SH3D19: variants seen among roughly 807,000 people sequenced by gnomAD.
The protein encoded by SH3D19 is SH3 domain containing 19, also known as SH3 domain-containing protein 19.
A neutral mutation model predicts 112.1 loss-of-function variants in SH3D19; 58 were observed. That is an observed-to-expected ratio of 0.52 (90% confidence interval 0.42 to 0.64). The LOEUF is 0.64. SH3D19 is among the 30% of genes least tolerant of loss of function. The pLI, the probability that SH3D19 is intolerant of heterozygous loss-of-function variation, is 0.00. For synonymous variants in SH3D19, 391 were observed against 448.5 expected (o/e 0.87, Z 1.62); for missense variants, 1,090 against 1,263.4 (o/e 0.86, Z 2.08).
intron 17 of SH3D19, among the ~76,000 whole-genome samples, chr4:151,131,847 T>G (rs181637156): frequency 2.0e-5 from 3 of 150,960 alleles, no homozygotes; most frequent in Non-Finnish European, 4.4e-5. Context: ...TTTTTTGAGA[T>G]AGAGTCTCGC....
intron 8 of SH3D19, among the ~76,000 whole-genome samples, chr4:151,160,323 G>A (rs1407625399): frequency 2.0e-5 from 3 of 152,006 alleles, no homozygotes; most frequent in Non-Finnish European, 4.4e-5. Context: ...TCCTGACCTC[G>A]TGATCCGCCC....
rs575712482 is a variant in SH3D19, at chr4:151,318,432, C to A, written c.112+6809G>T. On this transcript the variant is annotated intron_variant, in intron 1 of 19. Coordinates refer to ENST00000604030, the MANE Select transcript of SH3D19 (RefSeq NM_001378122.1). ...AGAACTAGCCTCAGTCTTTGGGAGT[C>A]CTCTAGAATTAAGATATTTCCAAGA... Among the ~76,000 whole-genome samples the A allele has an allele frequency of 3.3e-5, 5 of 152,072 alleles. No individual in the cohort carries two copies. The South Asian group carries it at 1.0e-3, about 32-fold the overall frequency.
chr4:151,216,972 T>C (rs1385377454), intron 2 of SH3D19, among the ~76,000 whole-genome samples: 3 of 151,864 alleles, frequency 2.0e-5, no homozygotes, highest in African/African-American at 7.3e-5. Flanking sequence ...CTTTCACATC[T>C]TCCTTTGCAA....
At chr4:151,213,917 A>G (rs1022850250) in intron 2 of SH3D19, among the ~76,000 whole-genome samples, 8 of 149,438 alleles carry the variant, frequency 5.4e-5, no homozygotes, top group South Asian at 2.1e-4. Flanking sequence ...TCTCACAGAG[A>G]GGGATTTGGC....
At chr4:151,267,256 G>T (rs903493810) in intron 1 of SH3D19, among the ~76,000 whole-genome samples, 1 of 151,880 alleles carries the variant, frequency 6.6e-6, no homozygotes, top group Non-Finnish European at 1.5e-5. Flanking sequence ...GATTGATTAA[G>T]CCTGGGAGGT....
chr4:151,294,412 G>A (rs1226134525), intron 1 of SH3D19, among the ~76,000 whole-genome samples: 2 of 152,220 alleles, frequency 1.3e-5, no homozygotes, highest in African/African-American at 4.8e-5. Context: ...CTTAAAGGAA[G>A]GACCAGGCCA....
chr4:151,162,650 A>C (rs186576370), intron 8 of SH3D19, among the ~76,000 whole-genome samples: 83 of 147,028 alleles, frequency 5.6e-4, no homozygotes, highest in Middle Eastern at 7.0e-3. Context: ...GCTGGAGGGC[A>C]ATGGCGTGAT....
chr4:151,300,283 G>A (rs975266763), intron 1 of SH3D19, among the ~76,000 whole-genome samples: 8 of 151,936 alleles, frequency 5.3e-5, no homozygotes. Flanking sequence ...TGGGAGCATT[G>A]TGCATTGGAC....
intron 1 of SH3D19, among the ~76,000 whole-genome samples, chr4:151,314,153 C>A (rs570688818): frequency 1.3e-5 from 2 of 152,330 alleles, no homozygotes; most frequent in South Asian, 4.1e-4. Context: ...GCAGCCCTGG[C>A]ATGCATTCTA....
At chr4:151,226,770 G>A (rs956069180) in intron 1 of SH3D19, among the ~76,000 whole-genome samples, 17 of 152,202 alleles carry the variant, frequency 1.1e-4, no homozygotes, top group Admixed American at 1.3e-4. Flanking sequence ...AATGTCAGCA[G>A]TGCAGAGGTC....
chr4:151,233,700 C>A (rs373605456), intron 1 of SH3D19, among the ~76,000 whole-genome samples: 1 of 152,184 alleles, frequency 6.6e-6, no homozygotes, highest in South Asian at 2.1e-4. Context: ...CCAGGGATTA[C>A]GATGTGGACA....
chr4:151,195,371 C>CAAAAAAAAAAAAAAAAA (rs58618820), intron 2 of SH3D19, among the ~76,000 whole-genome samples: 1 of 66,794 alleles, frequency 1.5e-5, no homozygotes, highest in African/African-American at 7.3e-5. Context: ...GACTCTGTCT[C>CAAAAAAAAAAAAAAAAA]AAAAAAAAAA....
chr4:151,244,470 C>T lies in SH3D19; in HGVS notation c.113-18384G>A, dbSNP rs370378198. ...TGCTTCTAAGTTGTTTCTTTTTACA[C>T]CCGAGGATCACAAAAGAATGACTTC... is the stretch of plus-strand genomic sequence containing the variant. On this transcript the variant is annotated intron_variant, in intron 1 of 19. Coordinates refer to ENST00000604030, the MANE Select transcript of SH3D19 (RefSeq NM_001378122.1). Among the ~76,000 whole-genome samples, 26 of 152,246 alleles carry T rather than the reference C, an allele frequency of 1.7e-4. 1 individual carries two copies. The highest frequency in any genetic ancestry group is 1.0e-3 in the Admixed American group (16 of 15,282).
At chr4:151,129,015 T>C (rs1750029639) in intron 17 of SH3D19, among the ~76,000 whole-genome samples, 1 of 152,214 alleles carries the variant, frequency 6.6e-6, no homozygotes, top group Non-Finnish European at 1.5e-5. Context: ...TATTTATGCA[T>C]AGTATTTGAC....
chr4:151,135,998 AAAC>A (rs1229205084), intron 14 of SH3D19, among the ~76,000 whole-genome samples: 1 of 151,796 alleles, frequency 6.6e-6, no homozygotes, highest in African/African-American at 2.4e-5. Context: ...AAACAAAACA[AAAC>A]AAAACAAAAC....
At chr4:151,283,429 C>A in intron 1 of SH3D19, 1 of 600,488 alleles carries the variant, frequency 1.7e-6, no homozygotes. Context: ...GGACAAATCA[C>A]TTAACTTCTA....
At chr4:151,185,302 C>T (rs1270590308) in intron 3 of SH3D19, among the ~76,000 whole-genome samples, 3 of 152,004 alleles carry the variant, frequency 2.0e-5, no homozygotes, top group Admixed American at 6.6e-5. Flanking sequence ...TGCATTTTTG[C>T]CTTATGCCTC....
chr4:151,176,968 A>G lies in SH3D19; in HGVS notation c.237-13T>C. 8.1e-7 allele frequency: 1 copy of G among 1,232,146 alleles called. No individual in the cohort carries two copies. Among genetic ancestry groups the G allele is most frequent in the East Asian group, 3.2e-5 (1 of 31,700 alleles). The allele number at this position is 1,232,146 out of a possible 1,614,324, so 76.3% of individuals were successfully genotyped here. A position where few individuals can be genotyped will look rare whatever the true frequency, so the allele number is the denominator to read the frequency against. On this transcript the variant is annotated splice_polypyrimidine_tract_variant and intron_variant, in intron 4 of 19. Transcript: ENST00000604030. ...GATCTCTGGGCGCCTAGTGGACAGA[A>G]GCCTCAGTGAGGTTTTGCAGAATGG...
At chr4:151,150,640 T>C (rs1411224957) in intron 9 of SH3D19, among the ~76,000 whole-genome samples, 3 of 151,894 alleles carry the variant, frequency 2.0e-5, no homozygotes, top group Non-Finnish European at 2.9e-5. Flanking sequence ...CTGGATGGGC[T>C]AAAAAAGAGT....
Sources: gnomAD v4.1 joint callset for allele counts (sites outside exome capture counted in the v4.1 genomes callset) on GRCh38, gnomAD v4.1.1 for gene constraint, MANE v1.5 for transcripts, NCBI Gene and HGNC (gene_info 2026-07-23, HGNC 2026-07-21) for gene names.